FRAS1: variants seen among roughly 807,000 people sequenced by gnomAD.
FRAS1 encodes extracellular matrix organizing protein FRAS1.
FRAS1 carries 290 observed loss-of-function variants against 435.2 expected under a neutral mutation model. That is an observed-to-expected ratio of 0.67 (90% confidence interval 0.61 to 0.73). FRAS1 has a LOEUF of 0.73. Ranked by LOEUF, FRAS1 falls within the 30% of genes least tolerant of loss-of-function variation. The pLI is 0.00. For synonymous variants in FRAS1, 1,800 were observed against 1,851.0 expected (o/e 0.97, Z 0.71); for missense variants, 4,860 against 5,001.5 (o/e 0.97, Z 0.85).
intron 32 of FRAS1, among the ~76,000 whole-genome samples, chr4:78,418,318 G>A (rs1733631622): frequency 6.6e-6 from 1 of 152,150 alleles, no homozygotes. Context: ...TGTTTGGGGT[G>A]GGTTCACTTT....
chr4:78,517,297 C>T (rs571698645), intron 66 of FRAS1, among the ~76,000 whole-genome samples: 1 of 152,256 alleles, frequency 6.6e-6, no homozygotes, highest in East Asian at 1.9e-4. Flanking sequence ...TCCATTTCTC[C>T]AGTTGTATAA....
chr4:78,156,319 T>G (rs906987573), intron 2 of FRAS1, among the ~76,000 whole-genome samples: 4 of 151,298 alleles, frequency 2.6e-5, no homozygotes, highest in Non-Finnish European at 5.9e-5. Context: ...TCGAAAGTCC[T>G]CATTTTTTTT....
intron 2 of FRAS1, among the ~76,000 whole-genome samples, chr4:78,097,481 CA>C (rs1250131595): frequency 3.3e-5 from 5 of 152,176 alleles, no homozygotes; most frequent in Non-Finnish European, 7.3e-5. Flanking sequence ...GGGCAATTCA[CA>C]AAAGAAAGAG....
At chr4:78,172,996 A>G (rs531736875) in intron 2 of FRAS1, among the ~76,000 whole-genome samples, 3 of 151,732 alleles carry the variant, frequency 2.0e-5, no homozygotes, top group African/African-American at 7.2e-5. Context: ...CCCAAAAAAG[A>G]GAAACACACT....
At chr4:78,382,549 C>A (rs550885389) in intron 27 of FRAS1, among the ~76,000 whole-genome samples, 27 of 152,084 alleles carry the variant, frequency 1.8e-4, no homozygotes, top group African/African-American at 6.3e-4. Flanking sequence ...TCTCTTGAAG[C>A]CTGAGGTGGT....
At chr4:78,278,045 C>T (rs779621310) in intron 9 of FRAS1, among the ~76,000 whole-genome samples, 43 of 152,218 alleles carry the variant, frequency 2.8e-4, no homozygotes, top group Non-Finnish European at 4.7e-4. Context: ...GTGATCCGCC[C>T]GCCTCGGCCT....
chr4:78,145,127 CA>C, intron 2 of FRAS1, among the ~76,000 whole-genome samples: 1 of 152,096 alleles, frequency 6.6e-6, no homozygotes, highest in Admixed American at 6.5e-5. Flanking sequence ...ATACTTCCTC[CA>C]ACATTAGGTG....
At chr4:78,494,038 T>TA (rs200587359) in intron 59 of FRAS1, among the ~76,000 whole-genome samples, 1,740 of 152,244 alleles carry the variant, frequency 0.011, 30 homozygotes, top group African/African-American at 0.04. Flanking sequence ...GTTTTACCCC[T>TA]ACTCTCCAGC....
intron 54 of FRAS1, among the ~76,000 whole-genome samples, chr4:78,475,913 TCTTCTCCTC>T (rs1428133256): frequency 1.3e-5 from 2 of 152,214 alleles, no homozygotes; most frequent in African/African-American, 4.8e-5. Context: ...TCCCAACCGT[TCTTCTCCTC>T]TCACCTTCTT....
chr4:78,161,931 T>G (rs1365390845), intron 2 of FRAS1, among the ~76,000 whole-genome samples: 1 of 152,038 alleles, frequency 6.6e-6, no homozygotes, highest in Non-Finnish European at 1.5e-5. Flanking sequence ...ATTGAGGCTA[T>G]TCATAGAAAG....
chr4:78,220,689 A>T (rs1724015027), intron 2 of FRAS1, among the ~76,000 whole-genome samples: 2 of 152,184 alleles, frequency 1.3e-5, no homozygotes, highest in South Asian at 4.1e-4. Context: ...GTCCATTCAG[A>T]CAGTAAATCT....
intron 29 of FRAS1, 89 bp from the exon 30 acceptor site, chr4:78,400,642 TAAC>T (rs1732846768): frequency 7.7e-7 from 1 of 1,296,396 alleles, no homozygotes; most frequent in East Asian, 2.5e-5. Context: ...AGACGATCTT[TAAC>T]AACAACAGAA....
intron 22 of FRAS1, among the ~76,000 whole-genome samples, chr4:78,367,206 A>T (rs1046672872): frequency 6.6e-6 from 1 of 152,038 alleles, no homozygotes; most frequent in Non-Finnish European, 1.5e-5. Context: ...GGAGTTTGAG[A>T]CCAGCCTGGG....
intron 47 of FRAS1, among the ~76,000 whole-genome samples, chr4:78,458,667 C>T (rs2109841628): frequency 6.6e-6 from 1 of 152,270 alleles, no homozygotes; most frequent in East Asian, 1.9e-4. Flanking sequence ...TACCCTGTAA[C>T]AAACCTGTAC....
chr4:78,418,917 T>C, intron 32 of FRAS1, 32 bp from the exon 33 acceptor site: 2 of 1,321,490 alleles, frequency 1.5e-6, no homozygotes, highest in African/African-American at 1.5e-5. Context: ...TTTCATACCA[T>C]GTGTTCCTCT....
At chr4:78,302,823 T>C (rs536157032) in intron 14 of FRAS1, among the ~76,000 whole-genome samples, 3 of 152,202 alleles carry the variant, frequency 2.0e-5, no homozygotes, top group Non-Finnish European at 4.4e-5. Context: ...TTCACTCTGA[T>C]GGTAGTTTCT....
intron 20 of FRAS1, among the ~76,000 whole-genome samples, chr4:78,354,621 T>C (rs737397): frequency 0.066 from 10,096 of 152,252 alleles, 627 homozygotes; most frequent in African/African-American, 0.17. Flanking sequence ...ATGAAATCAT[T>C]TCTTTTTCAC....
intron 60 of FRAS1, among the ~76,000 whole-genome samples, chr4:78,499,329 G>T (rs1019294369): frequency 3.3e-5 from 5 of 152,146 alleles, no homozygotes; most frequent in Non-Finnish European, 7.3e-5. Context: ...ATGAAAAGTT[G>T]ATTTATGTGA....
Position 78,057,712 on chromosome 4 carries a change from G to T in FRAS1, c.-298G>T, listed in dbSNP as rs748936329. 1 of 446,372 alleles carries T rather than the reference G, an allele frequency of 2.2e-6. No individual in the cohort carries two copies. The highest frequency in any genetic ancestry group is 2.0e-5 in the African/African-American group (1 of 50,530). The allele number at this position is 446,372 out of a possible 1,614,324, so 27.7% of individuals were successfully genotyped here. A position where few individuals can be genotyped will look rare whatever the true frequency, so the allele number is the denominator to read the frequency against. ...AACTTTCCGGCGAGATTTTGACGCG[G>T]AGAACTGTGCTCTGCCTCCTCTTAT... On this transcript the variant is annotated 5_prime_UTR_variant, in exon 1 of 74. Transcript: ENST00000512123. The surrounding 1 kb of genome is among the most constrained non-coding windows in gnomAD (Gnocchi z 4.2).
Sources: gnomAD v4.1 joint callset for allele counts (sites outside exome capture counted in the v4.1 genomes callset) on GRCh38, gnomAD v4.1.1 for gene constraint, Gnocchi (gnomAD v3.1) non-coding constraint, MANE v1.5 for transcripts, NCBI Gene and HGNC (gene_info 2026-07-23, HGNC 2026-07-21) for gene names.